The following CYRIB variants were observed in gnomAD, a reference collection of about 807,000 sequenced individuals.
CYRIB encodes CYFIP-related Rac1 interactor B.
In CYRIB, 8 loss-of-function variants were observed where a neutral mutation model predicts 44.2. The observed-to-expected ratio is 0.18, with a 90% CI of 0.11 to 0.33. CYRIB has a LOEUF of 0.33. Among genes scored for constraint, CYRIB ranks in the 10% least tolerant of loss-of-function variants. The probability of loss-of-function intolerance (pLI) is 1.00; values close to 1 mark genes in which losing one functional copy is unlikely to be tolerated. For missense variants in CYRIB, 185 were observed against 382.8 expected, an observed-to-expected ratio of 0.48 and a Z score of 4.31; for synonymous variants, 131 against 127.2, an observed-to-expected ratio of 1.03 and a Z score of -0.20.
At chr8:129,968,362 A>T (rs1056291154) in intron 2 of CYRIB, among the ~76,000 whole-genome samples, 4 of 151,740 alleles carry the variant, frequency 2.6e-5, no homozygotes, top group Non-Finnish European at 5.9e-5. Context: ...TTCTTTTTCC[A>T]TCTTTCTTTA....
chr8:129,875,024 G>A (rs1055821605), intron 3 of CYRIB, among the ~76,000 whole-genome samples: 2 of 152,136 alleles, frequency 1.3e-5, no homozygotes, highest in African/African-American at 2.4e-5. Context: ...GGAGGTAAGT[G>A]AGTCAAGTTT....
intron 8 of CYRIB, chr8:129,851,883 GCA>G (rs754920982): frequency 6.6e-5 from 20 of 302,042 alleles, no homozygotes; most frequent in Non-Finnish European, 1.1e-4. Context: ...AATTGAGAAA[GCA>G]AAAACTAAAG....
chr8:129,932,343 G>A (rs144622173), intron 1 of CYRIB, among the ~76,000 whole-genome samples: 1 of 152,184 alleles, frequency 6.6e-6, no homozygotes, highest in South Asian at 2.1e-4. Context: ...TCTCCTTCTG[G>A]AGCAAAGGAC....
chr8:129,934,607 T>C (rs566765764), intron 1 of CYRIB, among the ~76,000 whole-genome samples: 1 of 152,300 alleles, frequency 6.6e-6, no homozygotes, highest in South Asian at 2.1e-4. Context: ...AAGCCCATCA[T>C]GAGTTTTGCC....
At chr8:129,897,185 C>A (rs1344050925) in intron 2 of CYRIB, among the ~76,000 whole-genome samples, 1 of 152,148 alleles carries the variant, frequency 6.6e-6, no homozygotes, top group East Asian at 1.9e-4. Context: ...GACTATTTAA[C>A]CTTAGTATGA....
At chr8:129,903,238 T>C (rs2073287409) in intron 2 of CYRIB, 74 bp downstream of exon 4, 1 of 152,630 alleles carries the variant, frequency 6.6e-6, no homozygotes, top group South Asian at 2.1e-4. Flanking sequence ...TATATATAGT[T>C]AATATAAGTT....
At chr8:129,882,871 T>C (rs438877) in intron 2 of CYRIB, among the ~76,000 whole-genome samples, 83,887 of 151,668 alleles carry the variant, frequency 0.55, 23,621 homozygotes, top group African/African-American at 0.65. Flanking sequence ...AATTTCTTGC[T>C]TATTTATCCC....
intron 2 of CYRIB, among the ~76,000 whole-genome samples, chr8:129,880,225 G>A (rs1002762062): frequency 1.6e-4 from 25 of 152,178 alleles, no homozygotes; most frequent in African/African-American, 7.2e-5. Flanking sequence ...TGATGGTGAT[G>A]TTTGCCTACG....
chr8:129,914,319 A>C (rs535704776), intron 1 of CYRIB, among the ~76,000 whole-genome samples: 2 of 152,374 alleles, frequency 1.3e-5, no homozygotes, highest in African/African-American at 4.8e-5. Flanking sequence ...GGGAGACTAA[A>C]TATGCAGCCA....
At chr8:129,928,848 G>A (rs1387224803) in intron 1 of CYRIB, among the ~76,000 whole-genome samples, 1 of 152,098 alleles carries the variant, frequency 6.6e-6, no homozygotes, top group Non-Finnish European at 1.5e-5. Context: ...TACACTACTG[G>A]TAGGACATAA....
rs559849376 is a variant in CYRIB at position 129,871,228 on chromosome 8, A to G, written c.195+147T>C. 134 of 888,274 alleles carry G rather than the reference A, an allele frequency of 1.5e-4. No homozygotes were observed. The African/African-American group carries it at 1.9e-3, about 13-fold the overall frequency. The allele number at this position is 888,274 out of a possible 1,614,324, so 55.0% of individuals were successfully genotyped here. ...TTCCTTTTATGCTCATTTCACTGCA[A>G]TCACTTCTGAAACAATGCCAAGTGA... On this transcript the variant is annotated intron_variant, in intron 4 of 11. Transcript: ENST00000519824.
At chr8:129,914,720 T>A (rs886648204) in intron 1 of CYRIB, among the ~76,000 whole-genome samples, 1 of 152,334 alleles carries the variant, frequency 6.6e-6, no homozygotes, top group Middle Eastern at 3.4e-3. Flanking sequence ...ACAATGAGAG[T>A]TATGTTTTGA....
chr8:129,952,769 A>G (rs1342346844), intron 2 of CYRIB, among the ~76,000 whole-genome samples: 1 of 152,200 alleles, frequency 6.6e-6, no homozygotes, highest in African/African-American at 2.4e-5. Flanking sequence ...TAATGGAAAT[A>G]GAATCACACA....
At chr8:129,859,769 C>T (rs532754083) in intron 5 of CYRIB, among the ~76,000 whole-genome samples, 111 of 152,234 alleles carry the variant, frequency 7.3e-4, no homozygotes, top group South Asian at 4.1e-3. Flanking sequence ...GTAATTGTAC[C>T]AATTAATGAT....
At chr8:129,936,664 C>G (rs1427293712) in intron 1 of CYRIB, among the ~76,000 whole-genome samples, 1 of 151,192 alleles carries the variant, frequency 6.6e-6, no homozygotes, top group Non-Finnish European at 1.5e-5. Context: ...CTTCCTCACC[C>G]AAAGATCTCA....
At chr8:129,941,272 G>GTT (rs551305807), upstream of CYRIB, among the ~76,000 whole-genome samples, 435 of 124,954 alleles carry the variant, frequency 3.5e-3, 16 homozygotes, top group South Asian at 0.032. Context: ...AACTGAAGGA[G>GTT]ATTTTTTTTT....
intron 1 of CYRIB, among the ~76,000 whole-genome samples, chr8:129,996,434 C>T (rs1488125580): frequency 6.6e-6 from 1 of 152,146 alleles, no homozygotes; most frequent in Non-Finnish European, 1.5e-5. Context: ...GTGCCTGGCA[C>T]ACAGTGAAGC....
intron 2 of CYRIB, among the ~76,000 whole-genome samples, chr8:129,958,663 T>A (rs1036234841): frequency 5.3e-5 from 8 of 151,996 alleles, no homozygotes; most frequent in Non-Finnish European, 1.2e-4. Flanking sequence ...TTGGAGACAT[T>A]GTCAGTTGAC....
intron 1 of CYRIB, among the ~76,000 whole-genome samples, chr8:129,996,046 T>A (rs1172254809): frequency 1.3e-5 from 2 of 152,160 alleles, no homozygotes; most frequent in Non-Finnish European, 2.9e-5. Flanking sequence ...TGCTCTACCC[T>A]CCACAATCAT....
Sources: gnomAD v4.1 joint callset for allele counts (sites outside exome capture counted in the v4.1 genomes callset) on GRCh38, gnomAD v4.1.1 for gene constraint, MANE v1.5 for transcripts, NCBI Gene and HGNC (gene_info 2026-07-23, HGNC 2026-07-21) for gene names.